GEMIN5: variants seen among roughly 807,000 people sequenced by gnomAD.
GEMIN5 encodes the protein gem nuclear organelle associated protein 5.
A neutral mutation model predicts 176.9 loss-of-function variants in GEMIN5; 124 were observed. That is an observed-to-expected ratio of 0.70 (90% CI 0.61 to 0.81). The LOEUF (loss-of-function observed/expected upper bound fraction) is 0.81, where lower values mean the gene tolerates loss of function less well. Ranked by LOEUF, GEMIN5 falls within the 40% of genes least tolerant of loss-of-function variation. GEMIN5 has a pLI of 0.00. For missense variants in GEMIN5, 1,843 were observed against 1,814.6 expected (o/e 1.02, Z -0.28); for synonymous variants, 673 against 665.2 (o/e 1.01, Z -0.18).
At chr5:154,893,666 G>T (rs1037740572) in intron 24 of GEMIN5, among the ~76,000 whole-genome samples, 1 of 152,126 alleles carries the variant, frequency 6.6e-6, no homozygotes, top group Non-Finnish European at 1.5e-5. Flanking sequence ...TTCTTTTCTA[G>T]AATTCATATA....
intron 9 of GEMIN5, among the ~76,000 whole-genome samples, chr5:154,922,245 G>C (rs1182860665): frequency 6.6e-6 from 1 of 152,126 alleles, no homozygotes; most frequent in Non-Finnish European, 1.5e-5. Context: ...TCCGCTCACT[G>C]CAAGCTCCGC....
chr5:154,893,885 A>T (rs1253323452), intron 24 of GEMIN5, among the ~76,000 whole-genome samples: 2 of 152,190 alleles, frequency 1.3e-5, no homozygotes, highest in African/African-American at 4.8e-5. Flanking sequence ...CTGGGACTAC[A>T]GGAGCCCGCC....
chr5:154,893,051 T>C (rs555402136), intron 24 of GEMIN5, among the ~76,000 whole-genome samples: 33 of 150,638 alleles, frequency 2.2e-4, no homozygotes, highest in African/African-American at 7.8e-4. Context: ...GAGCTGAGAT[T>C]GCGCCACTGC....
intron 13 of GEMIN5, among the ~76,000 whole-genome samples, chr5:154,913,403 T>C (rs950509399): frequency 7.2e-5 from 11 of 152,222 alleles, no homozygotes; most frequent in Admixed American, 5.2e-4. Context: ...TTATAACTTA[T>C]AGGATATTCT....
rs1007963316 is a variant in GEMIN5, at chr5:154,937,978, G to A, written c.156C>T (p.Pro52=). Reference sequence around the variant, plus strand: ...AGGGTGGTGAGTTACCTCGAAACGGGGGTGTCCCTGGACTCTCGCCTGCGC... The same window carrying A: ...AGGGTGGTGAGTTACCTCGAAACGGAGGTGTCCCTGGACTCTCGCCTGCGC... ...GPGAGESPGT[P]PFRVIGELVG... is the part of the protein sequence containing the mutation. Residue 52 remains proline, a synonymous_variant, in exon 1 of 28, where the codon CCC becomes CCT. Coordinates refer to ENST00000285873, the MANE Select transcript of GEMIN5 (RefSeq NM_015465.5). The A allele has an allele frequency of 4.4e-6, 7 of 1,573,422 alleles. No homozygotes were observed. The African/African-American group carries it at 8.4e-5, about 19-fold the overall frequency.
intron 11 of GEMIN5, among the ~76,000 whole-genome samples, chr5:154,919,447 A>C (rs142323952): frequency 7.8e-4 from 119 of 152,350 alleles, no homozygotes; most frequent in Non-Finnish European, 1.3e-3. Flanking sequence ...AAATGTGGGA[A>C]TCTGGGTAAA....
intron 11 of GEMIN5, 90 bp downstream of exon 11, chr5:154,919,877 T>C: frequency 9.0e-7 from 1 of 1,106,834 alleles, no homozygotes. Flanking sequence ...ATGATGGTAA[T>C]CTCCAATAAC....
In GEMIN5 at chr5:154,921,445, G is replaced by A. The variant is rs1362225379; in HGVS notation, c.1380-20C>T. The stretch of plus-strand genomic sequence containing the variant: ...GGAGGCCTTTAGAAGAGCAGGGAGA[G>A]AGAACAAATGGAGATTTAAACAAAA... On this transcript the variant is annotated intron_variant, in intron 9 of 27. Coordinates refer to ENST00000285873, the MANE Select transcript of GEMIN5 (RefSeq NM_015465.5). 10 of 1,084,678 alleles carry A rather than the reference G, an allele frequency of 9.2e-6. No individual in the cohort carries two copies. Among genetic ancestry groups the A allele is most frequent in the Non-Finnish European group, 1.1e-5 (8 of 728,528 alleles). 67.2% of individuals were successfully genotyped at this position (1,084,678 alleles called of 1,614,324 possible). A position where few individuals can be genotyped will look rare whatever the true frequency, so the allele number is the denominator to read the frequency against.
Position 154,888,114 on chromosome 5 carries a change from C to G in GEMIN5, c.*96G>C, listed in dbSNP as rs1763146633. 8.6e-7 allele frequency: 1 copy of G among 1,165,568 alleles called. No homozygotes were observed. The highest frequency in any genetic ancestry group is 1.3e-6 in the Non-Finnish European group (1 of 786,138). The allele number at this position is 1,165,568 out of a possible 1,614,324, so 72.2% of individuals were successfully genotyped here. On this transcript the variant is annotated 3_prime_UTR_variant, in exon 28 of 28. Coordinates refer to ENST00000285873, the MANE Select transcript of GEMIN5 (RefSeq NM_015465.5). ...TTCTTTTGGATTACTGCAAAAACAT[C>G]TAGGGACCAGAGTGAATGTCTGGTG...
At chr5:154,906,294 C>T (rs1763568275) in intron 16 of GEMIN5, among the ~76,000 whole-genome samples, 1 of 152,206 alleles carries the variant, frequency 6.6e-6, no homozygotes, top group Non-Finnish European at 1.5e-5. Context: ...CCATGCCCGC[C>T]TTACTTTGAA....
Position 154,891,399 on chromosome 5 carries a change from T to C in GEMIN5, c.4104A>G (p.Gln1368=), listed in dbSNP as rs559737392. 3 of 1,614,182 alleles carry C rather than the reference T, an allele frequency of 1.9e-6. No individual in the cohort carries two copies. Among genetic ancestry groups the C allele is most frequent in the African/African-American group, 2.7e-5 (2 of 75,046 alleles). ...ELFSEKHASL[Q]NSQRTVAEVQ... is the part of the protein sequence containing the mutation. ...CTTCAGCAACAGTTCTCTGTGAGTT[T>C]TGGAGACTGGCATGCTTTTCTGAAA... The change falls in exon 26 of 28, where the codon CAA becomes CAG. Residue 1368 remains glutamine, a synonymous_variant. Coordinates refer to ENST00000285873, the MANE Select transcript of GEMIN5 (RefSeq NM_015465.5).
chr5:154,911,783 T>G lies in GEMIN5; in HGVS notation c.2111A>C (p.Asp704Ala). 1 of 1,614,056 alleles carries G rather than the reference T, an allele frequency of 6.2e-7. No individual in the cohort carries two copies. Among genetic ancestry groups the G allele is most frequent in the Non-Finnish European group, 8.5e-7 (1 of 1,179,930 alleles). Residue 704 changes from aspartate to alanine, a missense_variant, in exon 15 of 28, where the codon GAC becomes GCC. By Grantham distance (126) the Asp-to-Ala change is moderately radical. Coordinates refer to ENST00000285873, the MANE Select transcript of GEMIN5 (RefSeq NM_015465.5). ...AGTGAGCCACTTGTGCACACAAAAG[T>G]CATCTGCCCCTGAATAGATGCAGTC... is the stretch of plus-strand genomic sequence containing the variant. ...DPDCIYSGAD[D>A]FCVHKWLTSM...
At chr5:154,890,470 T>A (rs943114567) in intron 26 of GEMIN5, among the ~76,000 whole-genome samples, 1 of 148,484 alleles carries the variant, frequency 6.7e-6, no homozygotes, top group Non-Finnish European at 1.5e-5. Context: ...AAATTTAATT[T>A]TTTTTTTTTT....
At chr5:154,930,043 C>T (rs1447990152) in intron 5 of GEMIN5, among the ~76,000 whole-genome samples, 5 of 152,210 alleles carry the variant, frequency 3.3e-5, no homozygotes, top group Admixed American at 6.5e-5. Context: ...AACTTAACTT[C>T]CTCGTAAAAG....
At position 154,919,906 on chromosome 5, in the gene GEMIN5, T is replaced by TG. The variant is rs112867779; in HGVS notation, c.1599+60dup. The TG allele has an allele frequency of 1.7e-4, 246 of 1,453,262 alleles. 6 individuals carry two copies. The African/African-American group carries it at 2.7e-3, about 16-fold the overall frequency. 90.0% of individuals were successfully genotyped at this position (1,453,262 alleles called of 1,614,324 possible). On this transcript the variant is annotated intron_variant, in intron 11 of 27. Coordinates refer to ENST00000285873, the MANE Select transcript of GEMIN5 (RefSeq NM_015465.5). ...CAATAACAGCATTTATTTTGCAAGA[T>TG]GGGAAACACAGAGGGATCTGTGATG... is the stretch of plus-strand genomic sequence containing the variant.
chr5:154,928,874 T>C, intron 5 of GEMIN5, among the ~76,000 whole-genome samples: 1 of 152,084 alleles, frequency 6.6e-6, no homozygotes, highest in Non-Finnish European at 1.5e-5. Context: ...TCTAGCTACA[T>C]TTAGGTCAAA....
chr5:154,889,421 G>C lies in GEMIN5; in HGVS notation c.4263-4C>G, dbSNP rs757051838. 42 of 1,562,184 alleles carry C rather than the reference G, an allele frequency of 2.7e-5. 1 individual carries two copies. In the South Asian group the frequency reaches 4.7e-4, roughly 17 times the overall value. ...TGGCTCATTTTTTTCTTCTTTACTAGTGAAAAAAATAAAAGGTGTAAATTG... is the reference window on the plus strand; with the variant it reads ...TGGCTCATTTTTTTCTTCTTTACTACTGAAAAAAATAAAAGGTGTAAATTG... On this transcript the variant is annotated splice_polypyrimidine_tract_variant and splice_region_variant and intron_variant, in intron 26 of 27. Coordinates refer to ENST00000285873, the MANE Select transcript of GEMIN5 (RefSeq NM_015465.5).
rs764788034 is a variant in GEMIN5 at position 154,921,386 on chromosome 5, T to C, written c.1419A>G (p.Val473=). ...CTGGTGGCCCCCAGGCTAAAGTATA[T>C]ACAGTCTTCTTATGATATGTGCTAG... The part of the protein sequence containing the change: ...QISSTYHKKT[V]YTLAWGPPVP... Residue 473 remains valine, a synonymous_variant, in exon 10 of 28, where the codon GTA becomes GTG. Coordinates refer to ENST00000285873, the MANE Select transcript of GEMIN5 (RefSeq NM_015465.5). 6 of 1,491,380 alleles carry C rather than the reference T, an allele frequency of 4.0e-6. No individual in the cohort carries two copies. Among genetic ancestry groups the C allele is most frequent in the Non-Finnish European group, 5.5e-6 (6 of 1,081,802 alleles). The allele number at this position is 1,491,380 out of a possible 1,614,324, so 92.4% of individuals were successfully genotyped here.
At chr5:154,921,244 G>A (rs1457266368) in intron 10 of GEMIN5, 99 bp downstream of exon 10, 21 of 727,500 alleles carry the variant, frequency 2.9e-5, no homozygotes, top group Middle Eastern at 4.7e-4. Flanking sequence ...AGCAGTCAGT[G>A]CACTAGACCA....
Sources: allele counts gnomAD v4.1 joint callset (sites outside exome capture counted in the v4.1 genomes callset), GRCh38; gene constraint gnomAD v4.1.1; transcripts MANE v1.5; gene names NCBI Gene and HGNC (gene_info 2026-07-23, HGNC 2026-07-21).